The following ATF2 variants were observed in gnomAD, a reference collection of about 807,000 sequenced individuals.
ATF2 encodes the protein cyclic AMP-dependent transcription factor ATF-2.
In ATF2, 24 loss-of-function variants were observed where a neutral mutation model predicts 60.6. The ratio of observed to expected loss-of-function variants is 0.40; its 90% confidence interval spans 0.29 to 0.56. The LOEUF (loss-of-function observed/expected upper bound fraction) is 0.56, where lower values mean the gene tolerates loss of function less well. Ranked by LOEUF, ATF2 falls within the 20% of genes least tolerant of loss-of-function variation. ATF2 has a pLI of 0.54. For synonymous variants in ATF2, 206 were observed against 215.4 expected, an observed-to-expected ratio of 0.96 and a Z score of 0.38; for missense variants, 433 against 607.7, an observed-to-expected ratio of 0.71 and a Z score of 3.02.
In ATF2 at chr2:175,113,784, TA is replaced by T. The variant is rs769261064; in HGVS notation, c.741+209del. On this transcript the variant is annotated intron_variant, in intron 9 of 13. Coordinates refer to ENST00000264110, the MANE Select transcript of ATF2 (RefSeq NM_001880.4). The stretch of plus-strand genomic sequence containing the variant: ...TGGGTTGAATAAGAAGATCTCAGTA[TA>T]AAAAAAAAATTAAGGTTTTGGGGAG... 7.3e-4 allele frequency among the ~76,000 whole-genome samples: 108 copies of T among 148,454 alleles called. 1 individual carries two copies. In the South Asian group the frequency reaches 0.011, roughly 16 times the overall value.
chr2:175,135,756 T>G (rs771283915), intron 3 of ATF2, among the ~76,000 whole-genome samples: 56 of 152,178 alleles, frequency 3.7e-4, no homozygotes, highest in Middle Eastern at 3.2e-3. Flanking sequence ...TTTCCTACTT[T>G]TAAATTTCGA....
intron 13 of ATF2, among the ~76,000 whole-genome samples, chr2:175,077,199 G>A (rs982599990): frequency 6.6e-6 from 1 of 152,034 alleles, no homozygotes; most frequent in Non-Finnish European, 1.5e-5. Flanking sequence ...GTCTATCATT[G>A]TTGGACATTT....
intron 2 of ATF2, among the ~76,000 whole-genome samples, chr2:175,136,818 G>GT (rs1259349464): frequency 6.6e-6 from 1 of 152,154 alleles, no homozygotes; most frequent in African/African-American, 2.4e-5. Context: ...ATGCAACCTA[G>GT]TAATTCCATA....
chr2:175,105,320 C>G (rs560622170), intron 10 of ATF2, among the ~76,000 whole-genome samples: 1 of 145,440 alleles, frequency 6.9e-6, no homozygotes, highest in African/African-American at 2.6e-5. Flanking sequence ...GCCCCCCCCC[C>G]AAAAAAATAT....
chr2:175,131,439 T>C (rs1250590865), intron 3 of ATF2, among the ~76,000 whole-genome samples: 2 of 152,120 alleles, frequency 1.3e-5, no homozygotes, highest in Non-Finnish European at 2.9e-5. Context: ...GAATCACAGT[T>C]TATTAATAGC....
At chr2:175,137,499 A>C (rs1698220626) in intron 2 of ATF2, among the ~76,000 whole-genome samples, 1 of 152,208 alleles carries the variant, frequency 6.6e-6, no homozygotes, top group African/African-American at 2.4e-5. Flanking sequence ...AGTACAAGGA[A>C]TATTTAAACA....
At chr2:175,127,366 T>C (rs1234945540) in intron 4 of ATF2, 1 of 154,674 alleles carries the variant, frequency 6.5e-6, no homozygotes, top group African/African-American at 2.4e-5. Context: ...CTCTCTTAAC[T>C]TTACAGAAAA....
At chr2:175,144,358 T>A (rs748716352) in intron 2 of ATF2, among the ~76,000 whole-genome samples, 1 of 152,214 alleles carries the variant, frequency 6.6e-6, no homozygotes. Context: ...AAACCACTTT[T>A]AATAGTACAG....
intron 1 of ATF2, among the ~76,000 whole-genome samples, chr2:175,153,873 T>C (rs952091055): frequency 2.7e-5 from 4 of 149,408 alleles, no homozygotes; most frequent in Admixed American, 2.7e-4. Flanking sequence ...AAACACACTG[T>C]TCAGCTATAC....
chr2:175,158,234 ATTT>A (rs34664149), intron 1 of ATF2, among the ~76,000 whole-genome samples: 23 of 132,660 alleles, frequency 1.7e-4, no homozygotes, highest in Admixed American at 1.5e-4. Context: ...TGAATTCAGG[ATTT>A]TTTTTTTTTT....
intron 2 of ATF2, 96 bp from the exon 3 acceptor site, chr2:175,136,582 T>A: frequency 1.3e-6 from 1 of 760,764 alleles, no homozygotes; most frequent in Non-Finnish European, 2.2e-6. Flanking sequence ...TCTGTAACAC[T>A]ACTGTCACCC....
intron 10 of ATF2, among the ~76,000 whole-genome samples, chr2:175,101,784 T>C (rs1048583675): frequency 1.3e-5 from 2 of 152,218 alleles, no homozygotes; most frequent in South Asian, 2.1e-4. Context: ...GAAGCTCTAA[T>C]GTTTGCTCCA....
chr2:175,100,176 A>T (rs562559970), intron 10 of ATF2, among the ~76,000 whole-genome samples: 1 of 152,336 alleles, frequency 6.6e-6, no homozygotes, highest in Admixed American at 6.5e-5. Flanking sequence ...CAAATCATTG[A>T]TCTTTGAGTC....
At chr2:175,139,302 A>C (rs1698342096) in intron 2 of ATF2, among the ~76,000 whole-genome samples, 1 of 152,252 alleles carries the variant, frequency 6.6e-6, no homozygotes, top group Admixed American at 6.5e-5. Flanking sequence ...AAAATGGGTA[A>C]GTCCATATTT....
chr2:175,074,884 T>G (rs1574294691), intron 13 of ATF2, 49 bp from the exon 14 acceptor site: 1 of 1,602,532 alleles, frequency 6.2e-7, no homozygotes. Context: ...TCGGTAAGAA[T>G]GCACCAGTAT....
chr2:175,107,571 T>G (rs570441822), intron 10 of ATF2, among the ~76,000 whole-genome samples: 2 of 149,282 alleles, frequency 1.3e-5, no homozygotes, highest in African/African-American at 5.0e-5. Context: ...CCTCTCCCCA[T>G]GGTCTCCCTC....
intron 4 of ATF2, among the ~76,000 whole-genome samples, chr2:175,122,792 G>C (rs1697061707): frequency 6.6e-6 from 1 of 151,900 alleles, no homozygotes; most frequent in Non-Finnish European, 1.5e-5. Flanking sequence ...CTCAATAAAT[G>C]CTAACTGAAA....
rs1042129538 is a variant in ATF2 at position 175,073,700 on chromosome 2, T to A, written c.*909A>T. On this transcript the variant is annotated 3_prime_UTR_variant, in exon 14 of 14. Transcript: ENST00000264110. Reference sequence around the variant, plus strand: ...ATTTTCTAAGTAGTAATTTTAGGCTTTTCTGGCAACCATACCATACTTAAT... The same window carrying A: ...ATTTTCTAAGTAGTAATTTTAGGCTATTCTGGCAACCATACCATACTTAAT... 6.6e-6 allele frequency: 1 copy of A among 152,086 alleles called. No homozygotes were observed. The highest frequency in any genetic ancestry group is 6.6e-5 in the Admixed American group (1 of 15,252). 9.4% of individuals were successfully genotyped at this position (152,086 alleles called of 1,614,324 possible). A position where few individuals can be genotyped will look rare whatever the true frequency, so the allele number is the denominator to read the frequency against.
intron 10 of ATF2, among the ~76,000 whole-genome samples, chr2:175,099,102 C>CTTTTTT (rs35356799): frequency 1.8e-5 from 2 of 113,572 alleles, no homozygotes; most frequent in Non-Finnish European, 1.9e-5. Flanking sequence ...TATTAAATTT[C>CTTTTTT]TTTTTTTTTT....
Sources: gnomAD v4.1 joint callset for allele counts (sites outside exome capture counted in the v4.1 genomes callset) on GRCh38, gnomAD v4.1.1 for gene constraint, MANE v1.5 for transcripts, NCBI Gene and HGNC (gene_info 2026-07-23, HGNC 2026-07-21) for gene names.